The following FHDC1 variants were observed in gnomAD, a reference collection of about 807,000 sequenced individuals.
The protein encoded by FHDC1 is FH2 domain-containing protein 1.
A neutral mutation model predicts 52.6 loss-of-function variants in FHDC1; 25 were observed. That is an observed-to-expected ratio of 0.48 (90% CI 0.35 to 0.66). The LOEUF is 0.66. Among genes scored for constraint, FHDC1 ranks in the 30% least tolerant of loss-of-function variants. FHDC1 has a pLI of 0.01. For missense variants in FHDC1, 1,459 were observed against 1,452.8 expected (o/e 1.00, Z -0.07); for synonymous variants, 616 against 581.5 (o/e 1.06, Z -0.85).
Position 152,976,689 on chromosome 4 carries a change from C to G in FHDC1, c.3398C>G (p.Thr1133Arg). 9 of 1,517,390 alleles carry G rather than the reference C, an allele frequency of 5.9e-6. No homozygotes were observed. Among genetic ancestry groups the G allele is most frequent in the Non-Finnish European group, 7.9e-6 (9 of 1,132,670 alleles). The allele number at this position is 1,517,390 out of a possible 1,614,324, so 94.0% of individuals were successfully genotyped here. A position where few individuals can be genotyped will look rare whatever the true frequency, so the allele number is the denominator to read the frequency against. ...SLRRKDSSRT[T>R]LGRILNPLRK ...CGTCGGAAGGACTCCAGTCGGACCA[C>G]GCTGGGGAGAATCCTCAATCCCTTA... Residue 1133 changes from threonine to arginine, a missense_variant, in exon 12 of 12, where the codon ACG becomes AGG. Coordinates refer to ENST00000511601, the MANE Select transcript of FHDC1 (RefSeq NM_001371116.1).
chr4:152,966,117 T>A (rs1740448973), intron 9 of FHDC1, among the ~76,000 whole-genome samples: 1 of 152,230 alleles, frequency 6.6e-6, no homozygotes, highest in Non-Finnish European at 1.5e-5. Flanking sequence ...ATTTTTACTG[T>A]AATTAGTATA....
At chr4:152,972,631 C>T (rs1372535553) in intron 11 of FHDC1, 90 bp downstream of exon 11, 1 of 1,400,312 alleles carries the variant, frequency 7.1e-7, no homozygotes, top group East Asian at 2.4e-5. Context: ...CAGAAAGGCA[C>T]TTTGCATCTC....
chr4:152,916,058 A>G, the FHDC1 span, among the ~76,000 whole-genome samples: 1 of 152,202 alleles, frequency 6.6e-6, no homozygotes, highest in African/African-American at 2.4e-5. Flanking sequence ...AATGTTACCA[A>G]GAAGAATCAA....
chr4:152,976,279 GC>G lies in FHDC1; in HGVS notation c.2990del (p.Pro997LeufsTer51). The G allele has an allele frequency of 6.2e-7, 1 of 1,613,488 alleles. No homozygotes were observed. The highest frequency in any genetic ancestry group is 8.5e-7 in the Non-Finnish European group (1 of 1,179,990). ...KPLRNLPRQK[P>X]EENKTCRAHS... The stretch of plus-strand genomic sequence containing the variant: ...CACTCAGGAACCTCCCCAGACAGAA[GC>G]CTGAGGAAAATAAGACCTGCCGCGC... On this transcript the variant is annotated frameshift_variant, in exon 12 of 12. Coordinates refer to ENST00000511601, the MANE Select transcript of FHDC1 (RefSeq NM_001371116.1). LOFTEE classifies it low-confidence loss of function (END_TRUNC).
Position 152,975,828 on chromosome 4 carries a change from G to A in FHDC1, c.2537G>A (p.Gly846Asp). Reference protein sequence around the residue: ...VSVDSEPSCKGGLPRDKPTKR... With the variant: ...VSVDSEPSCKDGLPRDKPTKR... ...GTGGATAGTGAGCCCAGCTGCAAGGGCGGCCTGCCCAGGGACAAACCCACC... is the reference window on the plus strand; with the variant it reads ...GTGGATAGTGAGCCCAGCTGCAAGGACGGCCTGCCCAGGGACAAACCCACC... The change falls in exon 12 of 12, where the codon GGC becomes GAC. Residue 846 changes from glycine to aspartate, a missense_variant. Gly to Asp is a moderately conservative substitution (Grantham distance 94). Coordinates refer to ENST00000511601, the MANE Select transcript of FHDC1 (RefSeq NM_001371116.1). 1 of 1,520,592 alleles carries A rather than the reference G, an allele frequency of 6.6e-7. No homozygotes were observed. The highest frequency in any genetic ancestry group is 8.8e-7 in the Non-Finnish European group (1 of 1,135,838). 94.2% of individuals were successfully genotyped at this position (1,520,592 alleles called of 1,614,324 possible).
At chr4:152,949,480 T>TA (rs1297252637) in intron 2 of FHDC1, among the ~76,000 whole-genome samples, 5 of 152,066 alleles carry the variant, frequency 3.3e-5, no homozygotes, top group Non-Finnish European at 7.4e-5. Flanking sequence ...ACCCTGTCTC[T>TA]AAAAAAATAA....
At position 152,976,938 on chromosome 4, in the gene FHDC1, C is replaced by G; in HGVS notation, c.*215C>G. The G allele has an allele frequency of 2.1e-6, 1 of 475,362 alleles. No individual in the cohort carries two copies. The highest frequency in any genetic ancestry group is 3.3e-5 in the East Asian group (1 of 29,900). 29.4% of individuals were successfully genotyped at this position (475,362 alleles called of 1,614,324 possible). A position where few individuals can be genotyped will look rare whatever the true frequency, so the allele number is the denominator to read the frequency against. On this transcript the variant is annotated 3_prime_UTR_variant, in exon 12 of 12. Transcript: ENST00000511601. ...GCAGTCCAGCGTCCAGATGGATGCA[C>G]GTTCACTACTGTGACGGCCGCACCT...
intron 4 of FHDC1, 79 bp downstream of exon 4, chr4:152,954,398 C>A: frequency 8.4e-7 from 1 of 1,192,410 alleles, no homozygotes; most frequent in Non-Finnish European, 1.2e-6. Context: ...TCAAAGCTCA[C>A]ATGGAAGGCC....
the FHDC1 span, chr4:152,916,965 G>A: frequency 6.6e-6 from 1 of 152,068 alleles, no homozygotes; most frequent in East Asian, 1.9e-4. Flanking sequence ...ATTTACTACA[G>A]GTATGTGCCA....
chr4:152,923,147 A>G, the FHDC1 span, among the ~76,000 whole-genome samples: 1 of 152,252 alleles, frequency 6.6e-6, no homozygotes, highest in Admixed American at 6.5e-5. Context: ...GCTGATAAGC[A>G]ACTTCAGCAA....
intron 2 of FHDC1, among the ~76,000 whole-genome samples, chr4:152,949,351 G>A (rs2149942667): frequency 6.6e-6 from 1 of 151,606 alleles, no homozygotes; most frequent in Admixed American, 6.6e-5. Flanking sequence ...GTGACAGCAT[G>A]CATCCCTAGT....
rs138008286 is a variant in FHDC1, at chr4:152,975,658, C to T, written c.2367C>T (p.Thr789=). The T allele has an allele frequency of 8.1e-5, 131 of 1,613,470 alleles. No individual in the cohort carries two copies. The African/African-American group carries it at 1.5e-3, about 19-fold the overall frequency. ...CSLTLDCSEG[T]DSRPRGGDPE... is the part of the protein sequence containing the mutation. ...TGACCCTGGACTGCTCAGAGGGAAC[C>T]GACTCCAGACCCAGAGGCGGGGACC... is the stretch of plus-strand genomic sequence containing the variant. The change falls in exon 12 of 12, where the codon ACC becomes ACT. Residue 789 remains threonine (T), a synonymous_variant. Coordinates refer to ENST00000511601, the MANE Select transcript of FHDC1 (RefSeq NM_001371116.1).
At chr4:152,967,858 A>G (rs2149956965) in intron 9 of FHDC1, 122 bp from the exon 10 acceptor site, 1 of 681,242 alleles carries the variant, frequency 1.5e-6, no homozygotes, top group East Asian at 2.6e-5. Flanking sequence ...GTAGATAAAT[A>G]TCATCACAGT....
chr4:152,924,487 C>T, the FHDC1 span, among the ~76,000 whole-genome samples: 4,046 of 152,094 alleles, frequency 0.027, 98 homozygotes, highest in South Asian at 0.11. Flanking sequence ...AAATACCATT[C>T]GACCCAGCCA....
At chr4:152,919,492 C>T in the FHDC1 span, among the ~76,000 whole-genome samples, 1 of 152,230 alleles carries the variant, frequency 6.6e-6, no homozygotes, top group Non-Finnish European at 1.5e-5. Flanking sequence ...TGAAGATGGT[C>T]CTATCCATGT....
intron 2 of FHDC1, among the ~76,000 whole-genome samples, chr4:152,952,269 G>T (rs1739949159): frequency 6.6e-6 from 1 of 152,150 alleles, no homozygotes; most frequent in African/African-American, 2.4e-5. Flanking sequence ...ATAAATCAGG[G>T]TTGGGACTCA....
At chr4:152,935,864 AGT>A (rs1334856848), upstream of FHDC1, among the ~76,000 whole-genome samples, 5 of 150,884 alleles carry the variant, frequency 3.3e-5, no homozygotes, top group Non-Finnish European at 7.4e-5. Flanking sequence ...TGTATATAAG[AGT>A]GTGTGCGCGC....
upstream of FHDC1, among the ~76,000 whole-genome samples, chr4:152,935,846 T>TGTGTGC (rs138333040): frequency 6.6e-6 from 1 of 151,616 alleles, no homozygotes; most frequent in African/African-American, 2.4e-5. Flanking sequence ...TGTGTGTGTG[T>TGTGTGC]GCGCGCGTGT....
At chr4:152,914,792 G>A in the FHDC1 span, among the ~76,000 whole-genome samples, 1 of 152,104 alleles carries the variant, frequency 6.6e-6, no homozygotes, top group Admixed American at 6.5e-5. Context: ...CATCTAGCTG[G>A]TATAGGGCAC....
Sources: allele counts gnomAD v4.1 joint callset (sites outside exome capture counted in the v4.1 genomes callset), GRCh38; gene constraint gnomAD v4.1.1; transcripts MANE v1.5; gene names NCBI Gene and HGNC (gene_info 2026-07-23, HGNC 2026-07-21).